The following CHD6 variants were observed in gnomAD, a reference collection of about 807,000 sequenced individuals.
CHD6 encodes the protein ATP-dependent chromatin remodeler CHD6.
CHD6 carries 50 observed loss-of-function variants against 276.9 expected under a neutral mutation model. The ratio of observed to expected loss-of-function variants is 0.18; its 90% CI spans 0.14 to 0.23. The LOEUF (loss-of-function observed/expected upper bound fraction) is 0.23. Ranked by LOEUF, CHD6 falls within the 10% of genes least tolerant of loss-of-function variation. The pLI is 1.00. For missense variants in CHD6, 2,564 were observed against 3,365.8 expected (o/e 0.76, Z 5.89); for synonymous variants, 1,173 against 1,229.3 (o/e 0.95, Z 0.96).
At chr20:41,479,853 T>C (rs1057272144) in intron 16 of CHD6, among the ~76,000 whole-genome samples, 1 of 152,166 alleles carries the variant, frequency 6.6e-6, no homozygotes, top group Non-Finnish European at 1.5e-5. Context: ...TAAAATTTCA[T>C]AGGACTGGGG....
At chr20:41,425,801 A>C (rs1453328279) in intron 28 of CHD6, among the ~76,000 whole-genome samples, 1 of 151,262 alleles carries the variant, frequency 6.6e-6, no homozygotes, top group Non-Finnish European at 1.5e-5. Context: ...AAAAAAAAAC[A>C]AAAAAAACAA....
At position 41,420,763 on chromosome 20, in the gene CHD6, C is replaced by T. The variant is rs774753179; in HGVS notation, c.5872G>A (p.Glu1958Lys). The T allele has an allele frequency of 9.9e-6, 16 of 1,614,192 alleles. No homozygotes were observed. Among genetic ancestry groups the T allele is most frequent in the East Asian group, 6.7e-5 (3 of 44,882 alleles). The change falls in exon 31 of 37, where the codon GAG becomes AAG. Residue 1958 changes from glutamate (E) to lysine (K), a missense_variant. Transcript: ENST00000373233. The stretch of plus-strand genomic sequence containing the variant: ...TCTGGGATATAAGCCTTGGGTTTCT[C>T]GATTTCAAATTCATCATTCTCGAGG... The part of the protein sequence containing the change: ...HGLENDEFEI[E>K]KPKAYIPDLF...
At chr20:41,514,115 G>T (rs6072395) in intron 4 of CHD6, among the ~76,000 whole-genome samples, 1 of 152,002 alleles carries the variant, frequency 6.6e-6, no homozygotes, top group Non-Finnish European at 1.5e-5. Context: ...TTTTCCTACA[G>T]GGAAGAGCAG....
rs1386912490 is a variant in CHD6, at chr20:41,417,304, G to A, written c.6173C>T (p.Ser2058Leu). Reference protein sequence around the residue: ...YSEEESKSSTSGITGDIGDEL... With the variant: ...YSEEESKSSTLGITGDIGDEL... ...ATCCCCAATGTCTCCTGTGATGCCC[G>A]ATGTTGAGCTCTTGCTCTCCTCTTC... is the stretch of plus-strand genomic sequence containing the variant. Residue 2058 changes from serine to leucine, a missense_variant, in exon 32 of 37, where the codon TCG (serine) becomes TTG (leucine). Ser to Leu is a moderately radical substitution (Grantham distance 145). Transcript: ENST00000373233. 9.3e-6 allele frequency: 15 copies of A among 1,614,018 alleles called. No individual in the cohort carries two copies. The highest frequency in any genetic ancestry group is 1.7e-5 in the Admixed American group (1 of 59,990).
At chr20:41,607,333 T>C (rs1203094911) in intron 1 of CHD6, among the ~76,000 whole-genome samples, 1 of 152,206 alleles carries the variant, frequency 6.6e-6, no homozygotes, top group Non-Finnish European at 1.5e-5. Context: ...AATTTGGACA[T>C]AGCTCTAATC....
At position 41,585,452 on chromosome 20, in the gene CHD6, G is replaced by A. The variant is rs1321365147; in HGVS notation, c.-24+32888C>T. Among the ~76,000 whole-genome samples, 3 of 147,124 alleles carry A rather than the reference G, an allele frequency of 2.0e-5. No homozygotes were observed. The East Asian group carries it at 6.0e-4, about 29-fold the overall frequency. On this transcript the variant is annotated intron_variant, in intron 1 of 36. Transcript: ENST00000373233. ...TTGCAGTGAGCCAAGAGGTTGCAGTGAGCCAAGATCGCACCATTGCACTCC... is the reference window on the plus strand; with the variant it reads ...TTGCAGTGAGCCAAGAGGTTGCAGTAAGCCAAGATCGCACCATTGCACTCC...
At chr20:41,531,961 T>C (rs889300232) in intron 3 of CHD6, among the ~76,000 whole-genome samples, 2 of 148,386 alleles carry the variant, frequency 1.3e-5, no homozygotes, top group Admixed American at 6.8e-5. Context: ...AATAGATACA[T>C]AGATAAATAT....
At chr20:41,468,169 G>C (rs1357838065) in intron 17 of CHD6, among the ~76,000 whole-genome samples, 5 of 150,926 alleles carry the variant, frequency 3.3e-5, no homozygotes, top group Admixed American at 2.0e-4. Context: ...GAGTGCAATG[G>C]CATGATCTTG....
At chr20:41,515,354 T>C (rs2044224775) in intron 3 of CHD6, among the ~76,000 whole-genome samples, 1 of 152,154 alleles carries the variant, frequency 6.6e-6, no homozygotes, top group African/African-American at 2.4e-5. Context: ...CTCTATTGAG[T>C]ACACGCTGGA....
rs183999001 is a variant in CHD6, at chr20:41,531,785, T to C, written c.554+1265A>G. Among the ~76,000 whole-genome samples the C allele has an allele frequency of 2.5e-3, 374 of 152,316 alleles. 4 individuals are homozygous for C. Among genetic ancestry groups the C allele is most frequent in the Non-Finnish European group, 3.0e-3 (202 of 68,018 alleles). Reference sequence around the variant, plus strand: ...ACAAGCTGTCCTTCTGAAAAAGAACTGAACCATATAGTAAACTCCACGTTG... The same window carrying C: ...ACAAGCTGTCCTTCTGAAAAAGAACCGAACCATATAGTAAACTCCACGTTG... On this transcript the variant is annotated intron_variant, in intron 3 of 36. Coordinates refer to ENST00000373233, the MANE Select transcript of CHD6 (RefSeq NM_032221.5).
At chr20:41,432,160 CAAA>C (rs572447937) in intron 27 of CHD6, among the ~76,000 whole-genome samples, 4 of 58,972 alleles carry the variant, frequency 6.8e-5, no homozygotes, top group Non-Finnish European at 3.9e-5. Context: ...AACTCCGTCT[CAAA>C]AAAAAAAAAA....
At position 41,568,432 on chromosome 20, in the gene CHD6, A is replaced by C. The variant is rs181099513; in HGVS notation, c.-23-17072T>G. ...AACAAAATTATAACAGACAATACTTAGCAGAGAAAAGTTTGTACTTTGAGA... is the reference window on the plus strand; with the variant it reads ...AACAAAATTATAACAGACAATACTTCGCAGAGAAAAGTTTGTACTTTGAGA... On this transcript the variant is annotated intron_variant, in intron 1 of 36. Coordinates refer to ENST00000373233, the MANE Select transcript of CHD6 (RefSeq NM_032221.5). Among the ~76,000 whole-genome samples the C allele has an allele frequency of 5.5e-3, 841 of 152,370 alleles. 5 individuals are homozygous for C. The highest frequency in any genetic ancestry group is 9.2e-3 in the Non-Finnish European group (623 of 68,030).
intron 10 of CHD6, among the ~76,000 whole-genome samples, chr20:41,492,589 T>C (rs973398894): frequency 2.0e-5 from 3 of 152,236 alleles, no homozygotes; most frequent in Non-Finnish European, 4.4e-5. Context: ...AGCCATATTC[T>C]TTAACAACTG....
At chr20:41,407,874 G>A (rs1312072546) in intron 36 of CHD6, among the ~76,000 whole-genome samples, 4 of 152,176 alleles carry the variant, frequency 2.6e-5, no homozygotes, top group East Asian at 1.9e-4. Flanking sequence ...GGCACTGTAC[G>A]AAGGGCTTCA....
In CHD6 at chr20:41,422,029, C is replaced by T; in HGVS notation, c.4606G>A (p.Ala1536Thr). Residue 1536 changes from alanine to threonine, a missense_variant, in exon 31 of 37, where the codon GCA (alanine) becomes ACA (threonine). This residue lies in a region of CHD6 where 515 missense variants were observed against 739.5 expected (regional missense o/e 0.70). Coordinates refer to ENST00000373233, the MANE Select transcript of CHD6 (RefSeq NM_032221.5). The stretch of plus-strand genomic sequence containing the variant: ...AGTTCAATGCGGTACAGAGTTCTTG[C>T]AGCACGTTCCTCAGTGATGGGTTCA... ...YVEPITEERA[A>T]RTLYRIELLR... The T allele has an allele frequency of 1.9e-6, 3 of 1,614,010 alleles. No homozygotes were observed. Among genetic ancestry groups the T allele is most frequent in the Non-Finnish European group, 2.5e-6 (3 of 1,179,954 alleles).
In CHD6 at chr20:41,527,110, C is replaced by T. The variant is rs1205754990; in HGVS notation, c.554+5940G>A. On this transcript the variant is annotated intron_variant, in intron 3 of 36. Coordinates refer to ENST00000373233, the MANE Select transcript of CHD6 (RefSeq NM_032221.5). ...GCTCATCCTCTGCCCTCACCAACAA[C>T]ATGAACACCAAAACTCAAGACCCTA... Among the ~76,000 whole-genome samples, 3 of 152,174 alleles carry T rather than the reference C, an allele frequency of 2.0e-5. No homozygotes were observed. The East Asian group carries it at 5.8e-4, about 29-fold the overall frequency.
intron 5 of CHD6, among the ~76,000 whole-genome samples, chr20:41,510,738 C>G (rs1479751835): frequency 6.6e-6 from 1 of 152,150 alleles, no homozygotes. Context: ...ATGGCTTAGG[C>G]CAAATGGCTA....
intron 14 of CHD6, among the ~76,000 whole-genome samples, chr20:41,486,558 G>C (rs2043419718): frequency 6.6e-6 from 1 of 152,164 alleles, no homozygotes; most frequent in Non-Finnish European, 1.5e-5. Context: ...GTGTACGCTT[G>C]ACATGTGGGC....
chr20:41,473,069 C>G lies in CHD6; in HGVS notation c.2664+253G>C, dbSNP rs147449274. 150 of 423,064 alleles carry G rather than the reference C, an allele frequency of 3.5e-4. 1 individual carries two copies. The highest frequency in any genetic ancestry group is 2.7e-3 in the African/African-American group (138 of 50,518). The allele number at this position is 423,064 out of a possible 1,614,324, so 26.2% of individuals were successfully genotyped here. ...CTGATAATAATAATAATTAGTAGTT[C>G]TAGTCTATATCTGGAGGCTACCACT... On this transcript the variant is annotated intron_variant, in intron 17 of 36. Transcript: ENST00000373233. This position sits in a 1 kb window ranked among gnomAD's most constrained non-coding sequence, Gnocchi z 4.1.
Sources: gnomAD v4.1 joint callset for allele counts (sites outside exome capture counted in the v4.1 genomes callset) on GRCh38, gnomAD v4.1.1 for gene constraint, gnomAD v4.1.1 regional missense constraint, Gnocchi (gnomAD v3.1) non-coding constraint, MANE v1.5 for transcripts, NCBI Gene and HGNC (gene_info 2026-07-23, HGNC 2026-07-21) for gene names.